AHNAK2: variants seen among roughly 807,000 people sequenced by gnomAD.
AHNAK2 encodes protein AHNAK2.
In AHNAK2, 18 loss-of-function variants were observed where a neutral mutation model predicts 30.7. The ratio of observed to expected loss-of-function variants is 0.59; its 90% CI spans 0.41 to 0.87. The LOEUF is 0.87. AHNAK2 is among the 40% of genes least tolerant of loss of function. The probability of loss-of-function intolerance (pLI) is 0.00; values close to 1 mark genes in which losing one functional copy is unlikely to be tolerated. For missense variants in AHNAK2, 8,604 were observed against 7,373.0 expected (o/e 1.17, Z -6.11); for synonymous variants, 3,590 against 3,073.8 (o/e 1.17, Z -5.56).
At position 104,949,053 on chromosome 14, in the gene AHNAK2, G is replaced by A. The variant is rs554709190; in HGVS notation, c.6398C>T (p.Ala2133Val). 1.8e-5 allele frequency: 19 copies of A among 1,068,840 alleles called. 1 individual carries two copies. The highest frequency in any genetic ancestry group is 1.4e-4 in the African/African-American group (10 of 70,764). The allele number at this position is 1,068,840 out of a possible 1,614,324, so 66.2% of individuals were successfully genotyped here. Residue 2133 changes from alanine (A) to valine (V), a missense_variant, in exon 7 of 7, where the codon GCG (alanine) becomes GTG (valine). Transcript: ENST00000333244. The stretch of plus-strand genomic sequence containing the variant: ...CAGGGTCAGGTCCCCCTGCAGATGC[G>A]CACTATCCAGCTTGGCTCTTGGGGC... ...VQAPRAKLDSAHLQGDLTLAN... is the reference protein window; with the variant it reads ...VQAPRAKLDSVHLQGDLTLAN...
Position 104,953,190 on chromosome 14 carries a change from A to G in AHNAK2, c.2261T>C (p.Leu754Pro), listed in dbSNP as rs761604837. Residue 754 changes from leucine (L) to proline (P), a missense_variant, in exon 7 of 7, where the codon CTC becomes CCC. By Grantham distance (98) the Leu-to-Pro change is moderately conservative (BLOSUM62 -3). Transcript: ENST00000333244. ...CTGCACCTTGGGCAGGTGCCCTTTGAGGCTGGCTCCCTCGGGCAGGGGGCC... is the reference window on the plus strand; with the variant it reads ...CTGCACCTTGGGCAGGTGCCCTTTGGGGCTGGCTCCCTCGGGCAGGGGGCC... Reference protein sequence around the residue: ...PEGPLPEGASLKGHLPKVQRP... With the variant: ...PEGPLPEGASPKGHLPKVQRP... 2 of 1,611,302 alleles carry G rather than the reference A, an allele frequency of 1.2e-6. No individual in the cohort carries two copies. The highest frequency in any genetic ancestry group is 1.7e-6 in the Non-Finnish European group (2 of 1,179,170).
At position 104,940,166 on chromosome 14, in the gene AHNAK2, G is replaced by A. The variant is rs529287382; in HGVS notation, c.15285C>T (p.Pro5095=). The A allele has an allele frequency of 1.2e-6, 2 of 1,613,552 alleles. No individual in the cohort carries two copies. The highest frequency in any genetic ancestry group is 1.3e-5 in the African/African-American group (1 of 75,036). Reference sequence around the variant, plus strand: ...GATCAGGTTTGGCAAAGCCCAAACTGGGAATGTGGACCTGTGGCCGGTGGA... The same window carrying A: ...GATCAGGTTTGGCAAAGCCCAAACTAGGAATGTGGACCTGTGGCCGGTGGA... The part of the protein sequence containing the change: ...VNLHRPQVHI[P]SLGFAKPDLR... The change falls in exon 7 of 7, where the codon CCC becomes CCT. Residue 5095 remains proline, a synonymous_variant. Transcript: ENST00000333244. The surrounding 1 kb of genome is among the most constrained non-coding windows in gnomAD (Gnocchi z 4.4).
At position 104,943,971 on chromosome 14, in the gene AHNAK2, T is replaced by G. The variant is rs775924805; in HGVS notation, c.11480A>C (p.His3827Pro). Residue 3827 changes from histidine to proline, a missense_variant, in exon 7 of 7, where the codon CAC becomes CCC. Transcript: ENST00000333244. ...APGKSIEASV[H>P]VSAPKVEADV... ...GGCCTCCACCTTGGGTGCAGACACG[T>G]GCACCGAGGCCTCAATGGACTTGCC... 6.2e-7 allele frequency: 1 copy of G among 1,612,402 alleles called. No homozygotes were observed. Among genetic ancestry groups the G allele is most frequent in the Non-Finnish European group, 8.5e-7 (1 of 1,179,298 alleles).
At position 104,946,225 on chromosome 14, in the gene AHNAK2, G is replaced by A. The variant is rs779378166; in HGVS notation, c.9226C>T (p.Arg3076Cys). The A allele has an allele frequency of 6.9e-6, 11 of 1,604,026 alleles. 1 individual carries two copies. The highest frequency in any genetic ancestry group is 1.7e-5 in the Admixed American group (1 of 59,164). The part of the protein sequence containing the change: ...MPSFKMPKVD[R>C]KGPQIDVKGP... Reference sequence around the variant, plus strand: ...TTGACATCTATCTGGGGTCCCTTGCGATCTACTTTGGGCATCTTGAAACTG... The same window carrying A: ...TTGACATCTATCTGGGGTCCCTTGCAATCTACTTTGGGCATCTTGAAACTG... The change falls in exon 7 of 7, where the codon CGC becomes TGC. Residue 3076 changes from arginine (R) to cysteine (C), a missense_variant. By Grantham distance (180) the Arg-to-Cys change is radical (BLOSUM62 -3). Transcript: ENST00000333244.
In AHNAK2 at chr14:104,941,137, G is replaced by A. The variant is rs1277170527; in HGVS notation, c.14314C>T (p.Leu4772Phe). The A allele has an allele frequency of 1.6e-5, 26 of 1,613,478 alleles. No homozygotes were observed. The highest frequency in any genetic ancestry group is 2.2e-5 in the Non-Finnish European group (26 of 1,179,900). Residue 4772 changes from leucine (L) to phenylalanine (F), a missense_variant, in exon 7 of 7, where the codon CTT (leucine) becomes TTT (phenylalanine). Leu to Phe is a conservative substitution (Grantham distance 22). Transcript: ENST00000333244. ...VGFAGFPSSR[L>F]DLTGPHFESS... The stretch of plus-strand genomic sequence containing the variant: ...TCAAAGTGAGGACCAGTGAGATCAA[G>A]CCGGGATGATGGAAACCCAGCAAAA...
rs373792289 is a variant in AHNAK2, at chr14:104,941,147, T to C, written c.14304A>G (p.Pro4768=). The C allele has an allele frequency of 7.7e-5, 125 of 1,613,390 alleles. No homozygotes were observed. Among genetic ancestry groups the C allele is most frequent in the Non-Finnish European group, 1.0e-4 (123 of 1,179,886 alleles). ...GACCAGTGAGATCAAGCCGGGATGA[T>C]GGAAACCCAGCAAAACCCACCTTAG... ...QMPKVGFAGF[P]SSRLDLTGPH... is the part of the protein sequence containing the mutation. The change falls in exon 7 of 7, where the codon CCA becomes CCG. Residue 4768 remains proline, a synonymous_variant. Transcript: ENST00000333244.
chr14:104,948,254 C>T lies in AHNAK2; in HGVS notation c.7197G>A (p.Gly2399=), dbSNP rs371248101. 1.2e-6 allele frequency: 2 copies of T among 1,612,296 alleles called. No homozygotes were observed. The highest frequency in any genetic ancestry group is 1.7e-6 in the Non-Finnish European group (2 of 1,179,474). Residue 2399 remains glycine (G), a synonymous_variant, in exon 7 of 7, where the codon GGG becomes GGA. Transcript: ENST00000333244. ...GPVPEGAGLK[G]HLPKLQMPSF... ...TGGGCATCTGCAGCTTGGGCAGGTGCCCTTTGAGGCCGGCTCCCTCCGGCA... is the reference window on the plus strand; with the variant it reads ...TGGGCATCTGCAGCTTGGGCAGGTGTCCTTTGAGGCCGGCTCCCTCCGGCA...
Position 104,941,648 on chromosome 14 carries a change from T to TG in AHNAK2, c.13802dup (p.Gly4602ArgfsTer10). 1 of 1,613,526 alleles carries TG rather than the reference T, an allele frequency of 6.2e-7. No homozygotes were observed. On this transcript the variant is annotated frameshift_variant, in exon 7 of 7. Transcript: ENST00000333244. LOFTEE classifies it low-confidence loss of function (END_TRUNC). ...GCCGCGCACCATCCAGCATGGATCC[T>TG]GGGGCCTGGACATCCGTCTCCACGC...
At position 104,939,541 on chromosome 14, in the gene AHNAK2, C is replaced by A; in HGVS notation, c.15910G>T (p.Gly5304Ter). Residue 5304 changes from glycine to a stop codon, truncating the protein, a stop_gained, in exon 7 of 7, where the codon GGA (glycine) becomes TGA (stop). Transcript: ENST00000333244. LOFTEE classifies it low-confidence loss of function (END_TRUNC). The stretch of plus-strand genomic sequence containing the variant: ...CCAGGCATCTGAAAAGGGAGAGGTC[C>A]TTTGGATGGATGGATCCTGACCTCA... ...TSEVRIHPSKGPLPFQMPGMR... is the reference protein window; with the variant it reads ...TSEVRIHPSK 6.2e-7 allele frequency: 1 copy of A among 1,613,822 alleles called. No individual in the cohort carries two copies. The highest frequency in any genetic ancestry group is 1.1e-5 in the South Asian group (1 of 91,078).
chr14:104,945,019 A>G lies in AHNAK2; in HGVS notation c.10432T>C (p.Phe3478Leu). The G allele has an allele frequency of 6.2e-7, 1 of 1,602,806 alleles. No individual in the cohort carries two copies. The highest frequency in any genetic ancestry group is 8.5e-7 in the Non-Finnish European group (1 of 1,171,638). The change falls in exon 7 of 7, where the codon TTC (phenylalanine) becomes CTC (leucine). Residue 3478 changes from phenylalanine (F) to leucine (L), a missense_variant. Transcript: ENST00000333244. ...AKDSKFKMPKFKMPSFGVSAP... is the reference protein window; with the variant it reads ...AKDSKFKMPKLKMPSFGVSAP... ...GACACCCCGAAGGAGGGCATCTTGA[A>G]CTTGGGCATTTTGAACTTGCTGTCT...
rs1028637218 is a variant in AHNAK2, at chr14:104,954,935, C to A, written c.651+22G>T. On this transcript the variant is annotated intron_variant, in intron 6 of 6. Coordinates refer to ENST00000333244, the MANE Select transcript of AHNAK2 (RefSeq NM_138420.4). The surrounding 1 kb of genome is among the most constrained non-coding windows in gnomAD (Gnocchi z 4.3). Reference sequence around the variant, plus strand: ...GTAGTGAAGCCAGCTGGGGCCCTGCCCCCCGGGCATAGTGGTCTCACCTCC... The same window carrying A: ...GTAGTGAAGCCAGCTGGGGCCCTGCACCCCGGGCATAGTGGTCTCACCTCC... The A allele has an allele frequency of 1.3e-6, 2 of 1,596,956 alleles. No homozygotes were observed. Among genetic ancestry groups the A allele is most frequent in the Non-Finnish European group, 1.7e-6 (2 of 1,171,170 alleles).
In AHNAK2 at chr14:104,943,648, C is replaced by G. The variant is rs531081884; in HGVS notation, c.11803G>C (p.Glu3935Gln). ...PDVEVSLPSV[E>Q]VDVEAPGAKL... ...GCTCCTGGGGCCTCGACGTCCACCT[C>G]CACGCTGGGCAGAGAAACCTCCACA... Residue 3935 changes from glutamate to glutamine, a missense_variant, in exon 7 of 7, where the codon GAG becomes CAG. Coordinates refer to ENST00000333244, the MANE Select transcript of AHNAK2 (RefSeq NM_138420.4). The G allele has an allele frequency of 2.5e-6, 4 of 1,613,500 alleles. No homozygotes were observed. The highest frequency in any genetic ancestry group is 2.2e-5 in the East Asian group (1 of 44,802).
chr14:104,947,547 G>A lies in AHNAK2; in HGVS notation c.7904C>T (p.Ser2635Phe), dbSNP rs763538508. The A allele has an allele frequency of 8.1e-6, 13 of 1,612,388 alleles. No homozygotes were observed. The highest frequency in any genetic ancestry group is 5.4e-5 in the African/African-American group (4 of 74,324). The change falls in exon 7 of 7, where the codon TCC becomes TTC. Residue 2635 changes from serine (S) to phenylalanine (F), a missense_variant. Transcript: ENST00000333244. ...LDGARLEGDL[S>F]LADKGVTAKD... ...GGCTGTCACACCCTTGTCGGCCAGGGACAGGTCCCCCTCCAGCCGCGCACC... is the reference window on the plus strand; with the variant it reads ...GGCTGTCACACCCTTGTCGGCCAGGAACAGGTCCCCCTCCAGCCGCGCACC...
rs1323308546 is a variant in AHNAK2, at chr14:104,939,696, T to C, written c.15755A>G (p.Glu5252Gly). Residue 5252 changes from glutamate (E) to glycine (G), a missense_variant, in exon 7 of 7, where the codon GAG becomes GGG. Transcript: ENST00000333244. ...AGAAGCTGTCACTTCTGCATCTGCC[T>C]CTGGGAGCTGTAGGGACATAGCTGC... ...VEAAMSLQLP[E>G]ADAEVTASES... is the part of the protein sequence containing the mutation. 1 of 1,613,934 alleles carries C rather than the reference T, an allele frequency of 6.2e-7. No homozygotes were observed. Among genetic ancestry groups the C allele is most frequent in the Non-Finnish European group, 8.5e-7 (1 of 1,179,894 alleles).
In AHNAK2 at chr14:104,951,435, C is replaced by T. The variant is rs756501223; in HGVS notation, c.4016G>A (p.Gly1339Glu). 8.1e-6 allele frequency: 10 copies of T among 1,237,422 alleles called. No individual in the cohort carries two copies. In the Admixed American group the frequency reaches 1.9e-4, roughly 24 times the overall value. 76.7% of individuals were successfully genotyped at this position (1,237,422 alleles called of 1,614,324 possible). The change falls in exon 7 of 7, where the codon GGG becomes GAG. Residue 1339 changes from glycine (G) to glutamate (E), a missense_variant. By Grantham distance (98) the Gly-to-Glu change is moderately conservative. Transcript: ENST00000333244. ...KMPKFKMPSF[G>E]VSAPGKSIEA... ...AATGGACTTGCCTGGGGCAGACACC[C>T]CGAACGACGGCATCTTGAACTTGGG... is the stretch of plus-strand genomic sequence containing the variant.
rs767090839 is a variant in AHNAK2, at chr14:104,949,343, G to C, written c.6108C>G (p.Leu2036=). The change falls in exon 7 of 7, where the codon CTC becomes CTG. Residue 2036 remains leucine (L), a synonymous_variant. Transcript: ENST00000333244. Reference sequence around the variant, plus strand: ...GGTCGGCAGAAGGGGGCTGAATGCTGAGGTCAGTGGTCTTCAGGTCCCCCT... The same window carrying C: ...GGTCGGCAGAAGGGGGCTGAATGCTCAGGTCAGTGGTCTTCAGGTCCCCCT... The part of the protein sequence containing the change: ...SMQGDLKTTD[L]SIQPPSADLK... 4.6e-5 allele frequency: 71 copies of C among 1,553,376 alleles called. 1 individual carries two copies. The African/African-American group carries it at 6.7e-4, about 15-fold the overall frequency.
Position 104,940,813 on chromosome 14 carries a change from G to C in AHNAK2, c.14638C>G (p.Pro4880Ala), listed in dbSNP as rs759833511. Residue 4880 changes from proline (P) to alanine (A), a missense_variant, in exon 7 of 7, where the codon CCT (proline) becomes GCT (alanine). Transcript: ENST00000333244. The surrounding 1 kb of genome is among the most constrained non-coding windows in gnomAD (Gnocchi z 4.4). ...ACTGCTGCATGTAGGTCTCCCTCAG[G>C]AACTGCCATTTGGGGGACTGAAAAC... is the stretch of plus-strand genomic sequence containing the variant. Reference protein sequence around the residue: ...FVFSVPQMAVPEGDLHAAVGA... With the variant: ...FVFSVPQMAVAEGDLHAAVGA... The C allele has an allele frequency of 6.2e-6, 10 of 1,613,092 alleles. No homozygotes were observed. The highest frequency in any genetic ancestry group is 8.5e-6 in the Non-Finnish European group (10 of 1,179,892).
chr14:104,947,873 G>C lies in AHNAK2; in HGVS notation c.7578C>G (p.Leu2526=), dbSNP rs756376843. 2.8e-5 allele frequency: 45 copies of C among 1,611,444 alleles called. No individual in the cohort carries two copies. The highest frequency in any genetic ancestry group is 1.9e-4 in the South Asian group (17 of 90,956). ...GCTGAATGCTGAGGTCAGTGGCCTT[G>C]AGGTCCCCCTGCATGGAGGAGAGGC... The part of the protein sequence containing the change: ...DGSLSSMQGD[L]KATDLSIQPP... The change falls in exon 7 of 7, where the codon CTC becomes CTG. Residue 2526 remains leucine (L), a synonymous_variant. Transcript: ENST00000333244.
chr14:104,938,733 G>T lies in AHNAK2; in HGVS notation c.16718C>A (p.Pro5573Gln), dbSNP rs772004705. The change falls in exon 7 of 7, where the codon CCA becomes CAA. Residue 5573 changes from proline to glutamine, a missense_variant. Transcript: ENST00000333244. The stretch of plus-strand genomic sequence containing the variant: ...GACGCTGGAAGAGATCATCTCAAAT[G>T]GTTCTCCAGTGTCAGGCTGGAGATC... The part of the protein sequence containing the change: ...SGDLQPDTGE[P>Q]FEMISSSVNV... The T allele has an allele frequency of 3.4e-5, 55 of 1,613,656 alleles. No individual in the cohort carries two copies. Among genetic ancestry groups the T allele is most frequent in the Non-Finnish European group, 4.2e-5 (50 of 1,179,854 alleles).
Sources: gnomAD v4.1 joint callset for allele counts on GRCh38, gnomAD v4.1.1 for gene constraint, Gnocchi (gnomAD v3.1) non-coding constraint, MANE v1.5 for transcripts, NCBI Gene and HGNC (gene_info 2026-07-23, HGNC 2026-07-21) for gene names.